Variants in RBM26 observed in about 807,000 individuals in gnomAD.
RBM26 encodes RNA binding motif protein 26.
In RBM26, 30 loss-of-function variants were observed where a neutral mutation model predicts 123.6. The observed-to-expected ratio is 0.24, with a 90% CI of 0.18 to 0.33. RBM26 has a LOEUF of 0.33. Among genes scored for constraint, RBM26 ranks in the 10% least tolerant of loss-of-function variants. RBM26 has a pLI of 1.00. For missense variants in RBM26, 947 were observed against 1,203.6 expected, an observed-to-expected ratio of 0.79 and a Z score of 3.15; for synonymous variants, 400 against 404.4, an observed-to-expected ratio of 0.99 and a Z score of 0.13.
At chr13:79,331,495 G>A (rs988943892) in intron 20 of RBM26, among the ~76,000 whole-genome samples, 4 of 150,796 alleles carry the variant, frequency 2.7e-5, no homozygotes, top group African/African-American at 7.3e-5. Flanking sequence ...TTAACTGGGC[G>A]TGGTGGCAGG....
At chr13:79,355,480 G>C (rs1424384352) in intron 11 of RBM26, 96 bp from the exon 12 acceptor site, 4 of 853,558 alleles carry the variant, frequency 4.7e-6, no homozygotes, top group African/African-American at 1.7e-5. Flanking sequence ...GTCCTTCCAA[G>C]TAAGATTCTG....
At chr13:79,351,356 C>T (rs1253457394) in intron 14 of RBM26, among the ~76,000 whole-genome samples, 1 of 152,134 alleles carries the variant, frequency 6.6e-6, no homozygotes, top group Admixed American at 6.5e-5. Context: ...TACATATATA[C>T]ATTATGTAAT....
Position 79,377,387 on chromosome 13 carries a change from T to C in RBM26, c.319A>G (p.Lys107Glu), listed in dbSNP as rs1439975964. The C allele has an allele frequency of 1.2e-6, 2 of 1,613,528 alleles. No individual in the cohort carries two copies. The highest frequency in any genetic ancestry group is 1.7e-6 in the Non-Finnish European group (2 of 1,179,484). The change falls in exon 3 of 22, where the codon AAG becomes GAG. Residue 107 changes from lysine (K) to glutamate (E), a missense_variant. Transcript: ENST00000438737. ...FFPHQEKDIK[K>E]EEITKEEERE... Reference sequence around the variant, plus strand: ...TTAACACAAATCGTTACCTCTTCCTTCTTTATATCTTTTTCTTGGTGTGGA... The same window carrying C: ...TTAACACAAATCGTTACCTCTTCCTCCTTTATATCTTTTTCTTGGTGTGGA...
intron 20 of RBM26, among the ~76,000 whole-genome samples, chr13:79,333,009 C>G (rs555792482): frequency 7.2e-5 from 11 of 152,164 alleles, no homozygotes; most frequent in African/African-American, 2.6e-4. Context: ...TACCACTATT[C>G]CCTAGAAAAT....
intron 1 of RBM26, among the ~76,000 whole-genome samples, chr13:79,403,021 C>G (rs1372700629): frequency 6.6e-6 from 1 of 151,668 alleles, no homozygotes; most frequent in Non-Finnish European, 1.5e-5. Context: ...TTTCAAGTTA[C>G]AGCTTACCCT....
At chr13:79,343,670 A>T (rs1040985771) in intron 16 of RBM26, among the ~76,000 whole-genome samples, 1 of 151,950 alleles carries the variant, frequency 6.6e-6, no homozygotes. Context: ...CAGTCACATT[A>T]AAAACATAAA....
At position 79,366,089 on chromosome 13, in the gene RBM26, CTGG is replaced by C. The variant is rs759672470; in HGVS notation, c.1239_1241del (p.His413del). 6.2e-7 allele frequency: 1 copy of C among 1,614,012 alleles called. No homozygotes were observed. Among genetic ancestry groups the C allele is most frequent in the Admixed American group, 1.7e-5 (1 of 60,010 alleles). On this transcript the variant is annotated inframe_deletion, in exon 8 of 22. Transcript: ENST00000438737. ...AAAGAGAGGGTGGAGCAGGAGGAGG[CTGG>C]TGATGAATGCCAGTTGTTACTACAG...
intron 1 of RBM26, among the ~76,000 whole-genome samples, chr13:79,392,783 T>A (rs2078209731): frequency 7.5e-6 from 1 of 133,324 alleles, no homozygotes. Flanking sequence ...CCCAACAAGC[T>A]TGAGAAGACC....
chr13:79,353,179 T>C lies in RBM26; in HGVS notation c.2032A>G (p.Lys678Glu). The C allele has an allele frequency of 1.3e-6, 2 of 1,593,988 alleles. No individual in the cohort carries two copies. Among genetic ancestry groups the C allele is most frequent in the Non-Finnish European group, 1.7e-6 (2 of 1,169,576 alleles). Residue 678 changes from lysine (K) to glutamate (E), a missense_variant, in exon 14 of 22, where the codon AAG becomes GAG. Lys to Glu is a moderately conservative substitution (Grantham distance 56, BLOSUM62 1). Around this residue, in one of 5 missense-constraint regions of RBM26, gnomAD observed 493 missense variants for 563.1 expected, o/e 0.88. Coordinates refer to ENST00000438737, the MANE Select transcript of RBM26 (RefSeq NM_001366735.2). Reference protein sequence around the residue: ...SVKDRLGFVSKPSVSATEKVL... With the variant: ...SVKDRLGFVSEPSVSATEKVL... ...TTTTCAGTTGCTGAAACAGATGGCT[T>C]TGATACAAAACCCAACCTGTCCTTC...
chr13:79,367,464 C>T (rs1267607828), intron 6 of RBM26, among the ~76,000 whole-genome samples: 1 of 135,072 alleles, frequency 7.4e-6, no homozygotes, highest in African/African-American at 2.6e-5. Context: ...AGAAATGTGA[C>T]AAACGATGTT....
intron 3 of RBM26, among the ~76,000 whole-genome samples, chr13:79,372,869 T>TA (rs1566502500): frequency 1.6e-5 from 1 of 64,180 alleles, no homozygotes; most frequent in Non-Finnish European, 2.4e-5. Context: ...ATAAATATAT[T>TA]TATAATATTT....
downstream of RBM26, among the ~76,000 whole-genome samples, chr13:79,317,269 G>A (rs1422351346): frequency 6.6e-6 from 1 of 151,682 alleles, no homozygotes; most frequent in Admixed American, 6.6e-5. Flanking sequence ...CCAAATCCAA[G>A]TTGTTTCCAA....
intron 1 of RBM26, among the ~76,000 whole-genome samples, chr13:79,391,776 T>C (rs1335110592): frequency 6.6e-6 from 1 of 151,818 alleles, no homozygotes; most frequent in African/African-American, 2.4e-5. Context: ...AACATAAATG[T>C]CAGTATGGGA....
At position 79,355,404 on chromosome 13, in the gene RBM26, G is replaced by T. The variant is rs201180491; in HGVS notation, c.1690-20C>A. ...AGCAACCTAAGATTTAAAATATTAA[G>T]AACAGTGAATTTCCAAAGGAATCTG... On this transcript the variant is annotated intron_variant, in intron 11 of 21. Transcript: ENST00000438737. 1.9e-6 allele frequency: 3 copies of T among 1,599,686 alleles called. No individual in the cohort carries two copies. The highest frequency in any genetic ancestry group is 2.2e-5 in the East Asian group (1 of 44,708).
Position 79,319,846 on chromosome 13 carries a change from A to C in RBM26, c.*775T>G. On this transcript the variant is annotated 3_prime_UTR_variant, in exon 22 of 22. Transcript: ENST00000438737. Reference sequence around the variant, plus strand: ...TAGTGATTATAGCTCCTTTTGTGATAATTGGGGGGAAGGGTAGATCACCAT... The same window carrying C: ...TAGTGATTATAGCTCCTTTTGTGATCATTGGGGGGAAGGGTAGATCACCAT... 2.0e-6 allele frequency: 2 copies of C among 980,526 alleles called. No individual in the cohort carries two copies. Among genetic ancestry groups the C allele is most frequent in the South Asian group, 4.7e-5 (1 of 21,192 alleles). The allele number at this position is 980,526 out of a possible 1,614,324, so 60.7% of individuals were successfully genotyped here. A position where few individuals can be genotyped will look rare whatever the true frequency, so the allele number is the denominator to read the frequency against.
At chr13:79,358,246 G>C (rs1311030029) in intron 11 of RBM26, 28 bp downstream of exon 11, 1 of 1,543,974 alleles carries the variant, frequency 6.5e-7, no homozygotes, top group Non-Finnish European at 8.7e-7. Flanking sequence ...AGAAAGAAGA[G>C]ATAACAAAAC....
At chr13:79,392,825 T>C (rs897178521) in intron 1 of RBM26, among the ~76,000 whole-genome samples, 2 of 149,552 alleles carry the variant, frequency 1.3e-5, no homozygotes, top group African/African-American at 2.5e-5. Flanking sequence ...ATGAACTAAC[T>C]ATATTCTAGA....
chr13:79,384,933 G>A (rs1232190788), intron 1 of RBM26, among the ~76,000 whole-genome samples: 1 of 152,132 alleles, frequency 6.6e-6, no homozygotes, highest in East Asian at 1.9e-4. Context: ...GTTTCTTGGA[G>A]ACTTTAGAAA....
intron 14 of RBM26, 80 bp from the exon 15 acceptor site, chr13:79,344,874 G>A: frequency 7.3e-7 from 1 of 1,361,408 alleles, no homozygotes; most frequent in Non-Finnish European, 1.0e-6. Context: ...CAACTTTAAA[G>A]CACTACTGTT....
Sources: allele counts gnomAD v4.1 joint callset (sites outside exome capture counted in the v4.1 genomes callset), GRCh38; gene constraint gnomAD v4.1.1; regional missense constraint gnomAD v4.1.1; transcripts MANE v1.5; gene names NCBI Gene and HGNC (gene_info 2026-07-23, HGNC 2026-07-21).